MAP4K3: variants seen among roughly 807,000 people sequenced by gnomAD.
MAP4K3 encodes the protein MAPK/ERK kinase kinase kinase 3.
Under a neutral mutation model 143.5 loss-of-function variants are expected in MAP4K3, and 94 were observed. The ratio of observed to expected loss-of-function variants is 0.65; its 90% CI spans 0.55 to 0.78. The LOEUF (loss-of-function observed/expected upper bound fraction) is 0.78. MAP4K3 is among the 30% of genes least tolerant of loss of function. The probability of loss-of-function intolerance (pLI) is 0.00; values close to 1 mark genes in which losing one functional copy is unlikely to be tolerated. For synonymous variants in MAP4K3, 416 were observed against 347.2 expected, an observed-to-expected ratio of 1.20 and a Z score of -2.20; for missense variants, 1,077 against 1,068.1, an observed-to-expected ratio of 1.01 and a Z score of -0.12.
At chr2:39,385,551 C>CATATATAT (rs140387430) in intron 1 of MAP4K3, among the ~76,000 whole-genome samples, 1,108 of 110,696 alleles carry the variant, frequency 0.01, 2 homozygotes, top group African/African-American at 0.016. Context: ...GAGCGTTCTT[C>CATATATAT]ATATATATAT....
At chr2:39,295,160 G>A (rs1242858327) in intron 16 of MAP4K3, among the ~76,000 whole-genome samples, 2 of 151,666 alleles carry the variant, frequency 1.3e-5, no homozygotes, top group Non-Finnish European at 2.9e-5. Context: ...GTTCTGCAGT[G>A]CACTGACATA....
chr2:39,320,891 T>C (rs952286962), intron 12 of MAP4K3, among the ~76,000 whole-genome samples: 3 of 152,196 alleles, frequency 2.0e-5, no homozygotes, highest in African/African-American at 7.2e-5. Context: ...ATAAACATTA[T>C]GCTCTAAGTC....
At chr2:39,430,429 G>C (rs1280948322) in intron 1 of MAP4K3, among the ~76,000 whole-genome samples, 2 of 151,956 alleles carry the variant, frequency 1.3e-5, no homozygotes, top group African/African-American at 4.8e-5. Context: ...TTAGAACTCA[G>C]AAATGTGGCA....
chr2:39,287,617 T>A (rs1177558000), intron 20 of MAP4K3, among the ~76,000 whole-genome samples: 1 of 152,178 alleles, frequency 6.6e-6, no homozygotes, highest in Non-Finnish European at 1.5e-5. Flanking sequence ...TGCTCTTTTT[T>A]AAAATTGCTT....
chr2:39,290,399 A>G, intron 18 of MAP4K3, 65 bp from the exon 19 acceptor site: 1 of 1,065,214 alleles, frequency 9.4e-7, no homozygotes. Flanking sequence ...CTAAAATATA[A>G]TAATTTTTTC....
At chr2:39,436,591 C>G (rs1665488984) in intron 1 of MAP4K3, 1 of 405,268 alleles carries the variant, frequency 2.5e-6, no homozygotes, top group African/African-American at 2.1e-5. Context: ...CTTCTCTGCA[C>G]TATGGATGAG....
At chr2:39,369,942 G>C (rs1469320949) in intron 2 of MAP4K3, among the ~76,000 whole-genome samples, 1 of 152,162 alleles carries the variant, frequency 6.6e-6, no homozygotes, top group African/African-American at 2.4e-5. Context: ...TGCTCAATGG[G>C]TTCTCCGTAG....
intron 3 of MAP4K3, among the ~76,000 whole-genome samples, chr2:39,351,794 T>C (rs1207924873): frequency 2.0e-5 from 3 of 152,126 alleles, no homozygotes; most frequent in East Asian, 1.9e-4. Flanking sequence ...TCAGCCTCCC[T>C]AGTAGCTGGG....
chr2:39,395,332 C>T (rs1240668567), intron 1 of MAP4K3, among the ~76,000 whole-genome samples: 45 of 6,982 alleles, frequency 6.4e-3, no homozygotes, highest in Non-Finnish European at 0.015. Flanking sequence ...TACACATACA[C>T]ACACACACAC....
intron 26 of MAP4K3, among the ~76,000 whole-genome samples, chr2:39,267,605 G>T (rs1309143763): frequency 1.3e-5 from 2 of 151,604 alleles, no homozygotes; most frequent in African/African-American, 4.9e-5. Flanking sequence ...CCCAGGAGGT[G>T]GAGGATGTGG....
intron 1 of MAP4K3, among the ~76,000 whole-genome samples, chr2:39,381,310 T>C (rs59893783): frequency 0.098 from 14,846 of 152,258 alleles, 2,451 homozygotes; most frequent in African/African-American, 0.34. Flanking sequence ...GAACTGTCTA[T>C]TCAATTCTTT....
chr2:39,418,681 T>C (rs559502203), intron 1 of MAP4K3, among the ~76,000 whole-genome samples: 2 of 151,854 alleles, frequency 1.3e-5, no homozygotes, highest in African/African-American at 4.8e-5. Flanking sequence ...GTCAACAGCA[T>C]ACATACTTCA....
chr2:39,384,873 G>A (rs958782846), intron 1 of MAP4K3, among the ~76,000 whole-genome samples: 2 of 152,088 alleles, frequency 1.3e-5, no homozygotes, highest in Admixed American at 6.5e-5. Context: ...CAGGAAATAA[G>A]AAAGTTCCAT....
chr2:39,276,180 G>A (rs1430583768), intron 24 of MAP4K3, among the ~76,000 whole-genome samples: 2 of 152,036 alleles, frequency 1.3e-5, no homozygotes, highest in African/African-American at 2.4e-5. Flanking sequence ...CCTTGTAATC[G>A]ATTTATATTG....
intron 23 of MAP4K3, 117 bp downstream of exon 23, chr2:39,280,155 A>T: frequency 1.8e-6 from 1 of 563,814 alleles, no homozygotes; most frequent in Non-Finnish European, 3.0e-6. Flanking sequence ...AAAAAAAATT[A>T]TAACAAAACT....
intron 12 of MAP4K3, among the ~76,000 whole-genome samples, chr2:39,320,168 G>A (rs368873481): frequency 2.6e-5 from 4 of 152,090 alleles, no homozygotes; most frequent in Non-Finnish European, 5.9e-5. Context: ...AATGTTCATC[G>A]AGTTAAATAT....
At chr2:39,286,801 C>G (rs746321248) in intron 21 of MAP4K3, 51 bp downstream of exon 21, 1 of 1,139,656 alleles carries the variant, frequency 8.8e-7, no homozygotes, top group Non-Finnish European at 1.2e-6. Flanking sequence ...ACTAACTTAA[C>G]AGTTAAAAAG....
intron 16 of MAP4K3, among the ~76,000 whole-genome samples, chr2:39,298,847 T>A (rs532283304): frequency 2.0e-5 from 3 of 151,514 alleles, no homozygotes; most frequent in African/African-American, 7.3e-5. Flanking sequence ...GCCCTTGTAG[T>A]CCCAGCTACT....
chr2:39,305,200 C>T (rs562428808), intron 15 of MAP4K3, among the ~76,000 whole-genome samples: 2 of 152,058 alleles, frequency 1.3e-5, no homozygotes, highest in Non-Finnish European at 2.9e-5. Context: ...AACATTAAAA[C>T]AGTAAATTTC....
Sources: gnomAD v4.1 joint callset for allele counts (sites outside exome capture counted in the v4.1 genomes callset) on GRCh38, gnomAD v4.1.1 for gene constraint, MANE v1.5 for transcripts, NCBI Gene and HGNC (gene_info 2026-07-23, HGNC 2026-07-21) for gene names.